The following CEP128 variants were observed in gnomAD, a reference collection of about 807,000 sequenced individuals.
CEP128 encodes the protein centrosomal protein 128.
In CEP128, 132 loss-of-function variants were observed where a neutral mutation model predicts 156.7. That is an observed-to-expected ratio of 0.84 (90% CI 0.73 to 0.97). The LOEUF (loss-of-function observed/expected upper bound fraction) is 0.97, where lower values mean the gene tolerates loss of function less well. Among genes scored for constraint, CEP128 ranks in the 50% least tolerant of loss-of-function variants. CEP128 has a pLI of 0.00. For synonymous variants in CEP128, 469 were observed against 448.9 expected (o/e 1.04, Z -0.57); for missense variants, 1,252 against 1,281.9 (o/e 0.98, Z 0.36).
chr14:80,771,680 T>C (rs1170137392), intron 16 of CEP128, among the ~76,000 whole-genome samples: 2 of 152,234 alleles, frequency 1.3e-5, no homozygotes, highest in East Asian at 3.8e-4. Context: ...AAACTATCTC[T>C]TAATTGTTTC....
intron 13 of CEP128, among the ~76,000 whole-genome samples, chr14:80,809,405 C>T (rs992377913): frequency 2.6e-4 from 40 of 151,882 alleles, no homozygotes; most frequent in African/African-American, 9.4e-4. Flanking sequence ...ATCAGTACAC[C>T]TAAGGTGAGG....
At chr14:80,662,526 A>G (rs1895443719) in intron 19 of CEP128, among the ~76,000 whole-genome samples, 1 of 152,180 alleles carries the variant, frequency 6.6e-6, no homozygotes. Context: ...CAACAATATA[A>G]GCCATGTATC....
intron 19 of CEP128, among the ~76,000 whole-genome samples, chr14:80,734,542 T>C (rs1196372916): frequency 6.6e-6 from 1 of 152,076 alleles, no homozygotes; most frequent in Admixed American, 6.6e-5. Flanking sequence ...TGTTAGATGT[T>C]ATTACTGTTT....
chr14:80,702,598 C>A (rs1050419559), intron 19 of CEP128, among the ~76,000 whole-genome samples: 1 of 152,092 alleles, frequency 6.6e-6, no homozygotes, highest in Non-Finnish European at 1.5e-5. Flanking sequence ...TTGATACAAC[C>A]ACTTACCAGG....
chr14:80,792,576 G>T (rs1204014128), intron 14 of CEP128, among the ~76,000 whole-genome samples, 184 bp downstream of exon 14: 1 of 152,070 alleles, frequency 6.6e-6, no homozygotes, highest in African/African-American at 2.4e-5. Context: ...CTATGAAAAG[G>T]CTTAAGTAAA....
intron 13 of CEP128, among the ~76,000 whole-genome samples, chr14:80,827,321 A>G (rs1885532737): frequency 6.6e-6 from 1 of 152,358 alleles, no homozygotes; most frequent in East Asian, 1.9e-4. Flanking sequence ...GTGTGGGAAC[A>G]CATAGGGACA....
At chr14:80,804,102 C>T (rs1240934955) in intron 13 of CEP128, among the ~76,000 whole-genome samples, 1 of 147,712 alleles carries the variant, frequency 6.8e-6, no homozygotes. Context: ...TTTTACAGAA[C>T]ATAAAGAATA....
chr14:80,790,343 AT>A (rs1901639925), intron 14 of CEP128, among the ~76,000 whole-genome samples: 2 of 152,154 alleles, frequency 1.3e-5, no homozygotes, highest in Admixed American at 1.3e-4. Context: ...TTGGAGTCCA[AT>A]TTTTTCCTTT....
chr14:80,587,003 G>C (rs1891847700), intron 19 of CEP128, among the ~76,000 whole-genome samples: 1 of 151,810 alleles, frequency 6.6e-6, no homozygotes, highest in Non-Finnish European at 1.5e-5. Flanking sequence ...ATTTAAAATA[G>C]TGCTTGGTAT....
In CEP128 at chr14:80,497,542, G is replaced by A. The variant is rs747703555; in HGVS notation, c.3222C>T (p.Asn1074=). Residue 1074 remains asparagine, a synonymous_variant, in exon 25 of 25, where the codon AAC becomes AAT. Coordinates refer to ENST00000555265, the MANE Select transcript of CEP128 (RefSeq NM_152446.5). ...TTCCATTCATTGTGGCATCTTCCTT[G>A]TTTGAAGCTGAATCTGGAGCAACAG... ...KRTVAPDSAS[N]KEDATMNGTS... is the part of the protein sequence containing the mutation. 3.7e-6 allele frequency: 6 copies of A among 1,613,232 alleles called. No individual in the cohort carries two copies. The highest frequency in any genetic ancestry group is 1.7e-5 in the Admixed American group (1 of 59,954).
chr14:80,891,147 G>T (rs775878976), intron 8 of CEP128, among the ~76,000 whole-genome samples: 14 of 152,034 alleles, frequency 9.2e-5, no homozygotes, highest in Non-Finnish European at 1.9e-4. Flanking sequence ...CAGTATGGAG[G>T]ATCCTCAAAA....
intron 19 of CEP128, among the ~76,000 whole-genome samples, chr14:80,709,546 T>C (rs1897329981): frequency 6.6e-6 from 1 of 152,224 alleles, no homozygotes. Flanking sequence ...ATGAATTTTA[T>C]AATCAACTTT....
chr14:80,488,493 G>A (rs1887221047), downstream of CEP128, among the ~76,000 whole-genome samples: 1 of 150,790 alleles, frequency 6.6e-6, no homozygotes, highest in Non-Finnish European at 1.5e-5. Context: ...AACAGGTGCT[G>A]AAGAGGATGT....
At chr14:80,562,232 T>C (rs971295325) in intron 20 of CEP128, among the ~76,000 whole-genome samples, 8 of 152,142 alleles carry the variant, frequency 5.3e-5, no homozygotes, top group African/African-American at 1.9e-4. Context: ...GTTATGTTTG[T>C]TTGCCTATAA....
At chr14:80,959,136 A>T (rs1402683140) in intron 1 of CEP128, among the ~76,000 whole-genome samples, 7 of 152,094 alleles carry the variant, frequency 4.6e-5, no homozygotes, top group African/African-American at 1.7e-4. Context: ...CTCACTGAAG[A>T]AGTGATGCTG....
chr14:80,604,446 T>A (rs571850019), intron 19 of CEP128, among the ~76,000 whole-genome samples: 1 of 152,314 alleles, frequency 6.6e-6, no homozygotes, highest in South Asian at 2.1e-4. Context: ...AACTCCTTAG[T>A]ACATGCTTTA....
intron 5 of CEP128, 168 bp downstream of exon 5, chr14:80,905,787 C>A (rs1314510267): frequency 1.2e-5 from 7 of 594,290 alleles, no homozygotes; most frequent in Non-Finnish European, 1.9e-5. Flanking sequence ...CAACAAAGAC[C>A]CTTCAATATA....
At chr14:80,498,662 A>G (rs562180062) in intron 24 of CEP128, among the ~76,000 whole-genome samples, 1 of 152,272 alleles carries the variant, frequency 6.6e-6, no homozygotes, top group African/African-American at 2.4e-5. Context: ...CTGATCACCA[A>G]TCTAAAGGAG....
intron 18 of CEP128, among the ~76,000 whole-genome samples, chr14:80,748,333 T>C (rs1033564360): frequency 1.3e-5 from 2 of 152,186 alleles, no homozygotes; most frequent in African/African-American, 4.8e-5. Context: ...GTCAACTCTT[T>C]GCCAGATAAA....
Sources: allele counts gnomAD v4.1 joint callset (sites outside exome capture counted in the v4.1 genomes callset), GRCh38; gene constraint gnomAD v4.1.1; transcripts MANE v1.5; gene names NCBI Gene and HGNC (gene_info 2026-07-23, HGNC 2026-07-21).